Variants in EYS observed in about 807,000 individuals in gnomAD.
EYS encodes the protein EGF-like photoreceptor maintenance factor.
Under a neutral mutation model 282.1 loss-of-function variants are expected in EYS, and 250 were observed. The ratio of observed to expected loss-of-function variants is 0.89; its 90% CI spans 0.80 to 0.98. The LOEUF (loss-of-function observed/expected upper bound fraction) is 0.98, where lower values mean the gene tolerates loss of function less well. Among genes scored for constraint, EYS ranks in the 50% least tolerant of loss-of-function variants. The pLI, the probability that EYS is intolerant of heterozygous loss-of-function variation, is 0.00. For synonymous variants in EYS, 1,355 were observed against 1,282.9 expected (o/e 1.06, Z -1.20); for missense variants, 4,016 against 3,709.0 (o/e 1.08, Z -2.15).
chr6:65,618,845 C>T (rs1168297897), intron 2 of EYS, among the ~76,000 whole-genome samples: 3 of 152,068 alleles, frequency 2.0e-5, no homozygotes, highest in Non-Finnish European at 4.4e-5. Flanking sequence ...TCAGGTTTGT[C>T]AAAGATCAGA....
intron 19 of EYS, among the ~76,000 whole-genome samples, chr6:64,837,447 TCTATTCA>T (rs1364193513): frequency 6.6e-6 from 1 of 151,198 alleles, no homozygotes; most frequent in Non-Finnish European, 1.5e-5. Context: ...TTTCACCACT[TCTATTCA>T]AAATAGTACT....
At chr6:64,269,295 A>T (rs1767863899) in intron 30 of EYS, among the ~76,000 whole-genome samples, 2 of 152,116 alleles carry the variant, frequency 1.3e-5, no homozygotes, top group Non-Finnish European at 2.9e-5. Flanking sequence ...TACCATAAGA[A>T]TTTGGGGCTG....
chr6:63,865,969 T>G (rs1472305060), intron 35 of EYS, among the ~76,000 whole-genome samples: 1 of 152,202 alleles, frequency 6.6e-6, no homozygotes, highest in African/African-American at 2.4e-5. Flanking sequence ...AAGTAATCAG[T>G]AATTTATGCA....
At chr6:64,488,352 T>A (rs1029337896) in intron 26 of EYS, among the ~76,000 whole-genome samples, 2 of 150,958 alleles carry the variant, frequency 1.3e-5, no homozygotes, top group South Asian at 4.1e-4. Context: ...AATTGCATGC[T>A]CACTGGCAGA....
intron 1 of EYS, among the ~76,000 whole-genome samples, chr6:65,674,303 C>T (rs1457020547): frequency 6.6e-6 from 1 of 151,640 alleles, no homozygotes; most frequent in Non-Finnish European, 1.5e-5. Flanking sequence ...GTGGCATAAA[C>T]TCAAAGAAGA....
chr6:64,085,569 A>G (rs76930618), intron 31 of EYS, among the ~76,000 whole-genome samples: 14,860 of 152,114 alleles, frequency 0.098, 1,292 homozygotes, highest in African/African-American at 0.24. Context: ...GTCCAAATAC[A>G]TACCCTTTTT....
At chr6:65,077,195 C>A (rs1451625395) in intron 12 of EYS, among the ~76,000 whole-genome samples, 2 of 151,930 alleles carry the variant, frequency 1.3e-5, no homozygotes, top group African/African-American at 4.8e-5. Flanking sequence ...TGTGAACAAA[C>A]CTATGGGTAA....
chr6:63,958,004 C>A (rs1216276282), intron 35 of EYS, among the ~76,000 whole-genome samples: 1 of 140,242 alleles, frequency 7.1e-6, no homozygotes, highest in Non-Finnish European at 1.6e-5. Flanking sequence ...CCATATTTAT[C>A]CTCTTTCTTG....
intron 35 of EYS, among the ~76,000 whole-genome samples, chr6:63,864,712 T>C (rs1389902116): frequency 6.6e-6 from 1 of 152,190 alleles, no homozygotes; most frequent in Non-Finnish European, 1.5e-5. Flanking sequence ...AAATGTCTAT[T>C]AGCAAAAAAC....
chr6:64,095,687 A>G (rs139294190), intron 31 of EYS, among the ~76,000 whole-genome samples: 94 of 152,254 alleles, frequency 6.2e-4, no homozygotes, highest in African/African-American at 2.2e-3. Flanking sequence ...CAGCACACTG[A>G]TGGGTCTTGA....
intron 29 of EYS, among the ~76,000 whole-genome samples, chr6:64,368,002 G>A (rs1476215140): frequency 6.6e-6 from 1 of 152,084 alleles, no homozygotes; most frequent in Admixed American, 6.6e-5. Context: ...TAGGTAAATT[G>A]TGTGTGGTGG....
chr6:64,462,268 T>C (rs965294462), intron 26 of EYS, among the ~76,000 whole-genome samples: 3 of 152,208 alleles, frequency 2.0e-5, no homozygotes, highest in Non-Finnish European at 4.4e-5. Flanking sequence ...GATGACATAA[T>C]GCTTAGAGAA....
intron 26 of EYS, among the ~76,000 whole-genome samples, chr6:64,478,103 C>A (rs1776329139): frequency 6.6e-6 from 1 of 152,146 alleles, no homozygotes; most frequent in African/African-American, 2.4e-5. Context: ...CCTTAATATA[C>A]TGAGTTTTAC....
intron 30 of EYS, among the ~76,000 whole-genome samples, chr6:64,271,468 A>G (rs571626897): frequency 3.3e-5 from 5 of 152,326 alleles, no homozygotes; most frequent in Admixed American, 1.3e-4. Flanking sequence ...CATTTGTAGC[A>G]TAATTAAATT....
At chr6:65,383,403 T>C (rs1488676617) in intron 8 of EYS, among the ~76,000 whole-genome samples, 2 of 151,918 alleles carry the variant, frequency 1.3e-5, no homozygotes, top group Non-Finnish European at 2.9e-5. Context: ...GCACTATTGG[T>C]TTCTAAAAAG....
At chr6:65,357,438 A>T (rs541820593) in intron 8 of EYS, among the ~76,000 whole-genome samples, 2 of 152,120 alleles carry the variant, frequency 1.3e-5, no homozygotes, top group South Asian at 4.1e-4. Context: ...TTGAGTGAAT[A>T]AACTAAATGT....
At chr6:64,284,924 T>C (rs1356905169) in intron 30 of EYS, among the ~76,000 whole-genome samples, 1 of 152,146 alleles carries the variant, frequency 6.6e-6, no homozygotes, top group Admixed American at 6.5e-5. Context: ...AAACCATTTT[T>C]TCCTATTAGA....
intron 22 of EYS, among the ~76,000 whole-genome samples, chr6:64,676,316 C>CTATATATATA (rs199984162): frequency 6.7e-5 from 8 of 119,054 alleles, no homozygotes; most frequent in East Asian, 5.2e-4. Flanking sequence ...TCCAATATAT[C>CTATATATATA]TATATATATA....
intron 31 of EYS, among the ~76,000 whole-genome samples, chr6:64,213,450 T>G (rs947927072): frequency 2.0e-5 from 3 of 152,098 alleles, no homozygotes; most frequent in Admixed American, 6.6e-5. Context: ...ATAGTTTGAG[T>G]TGGAACCGAT....
Sources: gnomAD v4.1 joint callset for allele counts (sites outside exome capture counted in the v4.1 genomes callset) on GRCh38, gnomAD v4.1.1 for gene constraint, MANE v1.5 for transcripts, NCBI Gene and HGNC (gene_info 2026-07-23, HGNC 2026-07-21) for gene names.